Variants in TRIO observed in about 807,000 individuals in gnomAD.
TRIO encodes the protein trio Rho guanine nucleotide exchange factor.
In TRIO, 58 loss-of-function variants were observed where a neutral mutation model predicts 351.9. The ratio of observed to expected loss-of-function variants is 0.16; its 90% CI spans 0.13 to 0.21. TRIO has a LOEUF of 0.21. Ranked by LOEUF, TRIO falls within the 10% of genes least tolerant of loss-of-function variation. TRIO has a pLI of 1.00. For synonymous variants in TRIO, 1,758 were observed against 1,595.7 expected, an observed-to-expected ratio of 1.10 and a Z score of -2.42; for missense variants, 3,201 against 4,027.8, an observed-to-expected ratio of 0.79 and a Z score of 5.56.
At position 14,210,240 on chromosome 5, in the gene TRIO, C is replaced by A. The variant is rs137945054; in HGVS notation, c.158-60585C>A. Among the ~76,000 whole-genome samples the A allele has an allele frequency of 6.9e-3, 1,044 of 152,298 alleles. 18 individuals carry two copies. Among genetic ancestry groups the A allele is most frequent in the African/African-American group, 0.024 (1,006 of 41,550 alleles). On this transcript the variant is annotated intron_variant, in intron 1 of 56. Coordinates refer to ENST00000344204, the MANE Select transcript of TRIO (RefSeq NM_007118.4). ...TGTGAAATGGCATGAAATTAAACCA[C>A]TGGTTACTTTTGAGGACAGCTTCCT...
At chr5:14,235,592 A>G (rs1473089818) in intron 1 of TRIO, among the ~76,000 whole-genome samples, 1 of 152,212 alleles carries the variant, frequency 6.6e-6, no homozygotes, top group African/African-American at 2.4e-5. Flanking sequence ...TACAGTTACA[A>G]CTACTAGCTT....
intron 33 of TRIO, among the ~76,000 whole-genome samples, chr5:14,417,095 C>G (rs1339537596): frequency 6.6e-6 from 1 of 152,222 alleles, no homozygotes; most frequent in Non-Finnish European, 1.5e-5. Flanking sequence ...CGGGACTAAC[C>G]ACTCCATGAG....
At chr5:14,495,658 G>GAAAAAAAAA (rs56018324) in intron 49 of TRIO, among the ~76,000 whole-genome samples, 1 of 32,596 alleles carries the variant, frequency 3.1e-5, no homozygotes, top group African/African-American at 1.1e-4. Context: ...GTCTCTACTA[G>GAAAAAAAAA]AAAAAAAAAA....
chr5:14,264,115 A>G (rs188156405), intron 1 of TRIO, among the ~76,000 whole-genome samples: 1 of 152,356 alleles, frequency 6.6e-6, no homozygotes. Context: ...CATAATTAAA[A>G]CATCAAACCT....
rs867577569 is a variant in TRIO, at chr5:14,504,528, C to T, written c.8547C>T (p.His2849=). Residue 2849 remains histidine, a synonymous_variant, in exon 55 of 57, where the codon CAC becomes CAT. Transcript: ENST00000344204. ...TTGGCATCCTGCAGAGCCTCCAGCA[C>T]CCCCTGCTTGTCGGCCTCCTCGACA... The part of the protein sequence containing the change: ...HELGILQSLQ[H]PLLVGLLDTF... The T allele has an allele frequency of 8.7e-6, 14 of 1,614,154 alleles. No individual in the cohort carries two copies. In the Middle Eastern group the frequency reaches 9.9e-4, roughly 114 times the overall value.
chr5:14,385,824 C>T (rs1219987417), intron 21 of TRIO, among the ~76,000 whole-genome samples: 1 of 152,164 alleles, frequency 6.6e-6, no homozygotes, highest in African/African-American at 2.4e-5. Flanking sequence ...CTCAATAATT[C>T]TTGTTTAATT....
intron 9 of TRIO, among the ~76,000 whole-genome samples, chr5:14,319,984 C>T (rs1371205457): frequency 6.6e-6 from 1 of 152,180 alleles, no homozygotes; most frequent in Admixed American, 6.5e-5. Flanking sequence ...GCACACTTAC[C>T]GTGCTTCCAA....
At chr5:14,349,243 G>A (rs1252966871) in intron 11 of TRIO, among the ~76,000 whole-genome samples, 3 of 145,454 alleles carry the variant, frequency 2.1e-5, no homozygotes, top group Non-Finnish European at 4.5e-5. Flanking sequence ...GTTTGTGTGT[G>A]CACACACGTG....
intron 1 of TRIO, among the ~76,000 whole-genome samples, chr5:14,225,227 A>G: frequency 6.6e-6 from 1 of 152,146 alleles, no homozygotes; most frequent in East Asian, 1.9e-4. Context: ...TGCAGACAGG[A>G]GGGAGGAGAT....
chr5:14,315,404 C>T (rs939662200), intron 8 of TRIO, among the ~76,000 whole-genome samples: 3 of 152,056 alleles, frequency 2.0e-5, no homozygotes, highest in African/African-American at 7.2e-5. Flanking sequence ...AGGTGCCCGC[C>T]ACCACGCCCA....
In TRIO at chr5:14,403,183, TGTG is replaced by T. The variant is rs1288958439; in HGVS notation, c.4716+2123_4716+2125del. ...TGTAGGTTGTGGTGAGGGTGCAGGT[TGTG>T]GTGAGGGTGCAGGTTGTGGTGAGGG... On this transcript the variant is annotated intron_variant, in intron 31 of 56. Transcript: ENST00000344204. Among the ~76,000 whole-genome samples the T allele has an allele frequency of 7.4e-3, 469 of 63,406 alleles. 5 individuals are homozygous for T. The highest frequency in any genetic ancestry group is 0.011 in the Non-Finnish European group (348 of 32,006). 41.6% of individuals were successfully genotyped at this position (63,406 alleles called of 152,430 possible).
At chr5:14,441,738 T>C (rs1008809031) in intron 34 of TRIO, among the ~76,000 whole-genome samples, 1 of 152,236 alleles carries the variant, frequency 6.6e-6, no homozygotes, top group Non-Finnish European at 1.5e-5. Context: ...TCAGGTTTAA[T>C]TTTGTTTGGA....
chr5:14,441,021 GA>G (rs1362621283), intron 34 of TRIO: 12 of 151,470 alleles, frequency 7.9e-5, no homozygotes, highest in Admixed American at 4.6e-4. Context: ...CGCGCGCTCA[GA>G]CGCCAGCGAG....
chr5:14,396,915 A>G (rs1747650014), intron 28 of TRIO, 128 bp from the exon 29 acceptor site: 2 of 715,390 alleles, frequency 2.8e-6, no homozygotes, highest in Non-Finnish European at 4.7e-6. Context: ...CTATGAGAAC[A>G]TATGCCCAGT....
At chr5:14,471,121 C>T (rs376759160) in intron 37 of TRIO, among the ~76,000 whole-genome samples, 197 bp from the exon 38 acceptor site, 1 of 127,534 alleles carries the variant, frequency 7.8e-6, no homozygotes, top group Admixed American at 8.0e-5. Flanking sequence ...CTTTTTTCTC[C>T]ACCTCCTTTG....
chr5:14,460,808 A>G (rs1753722912), intron 34 of TRIO, among the ~76,000 whole-genome samples: 1 of 152,200 alleles, frequency 6.6e-6, no homozygotes. Flanking sequence ...CTTGAGAATG[A>G]TCATCTCTAG....
chr5:14,196,561 G>A (rs1790783965), intron 1 of TRIO, among the ~76,000 whole-genome samples: 2 of 152,244 alleles, frequency 1.3e-5, no homozygotes, highest in South Asian at 2.1e-4. Context: ...GTGAAATGGA[G>A]CACTGTCACT....
intron 8 of TRIO, among the ~76,000 whole-genome samples, chr5:14,307,167 A>T (rs1738446038): frequency 6.6e-6 from 1 of 152,072 alleles, no homozygotes; most frequent in South Asian, 2.1e-4. Flanking sequence ...CTCGACCCAG[A>T]TTTTCCAAGT....
chr5:14,285,706 A>G (rs977045738), intron 3 of TRIO, among the ~76,000 whole-genome samples: 6 of 152,230 alleles, frequency 3.9e-5, no homozygotes, highest in African/African-American at 1.2e-4. Flanking sequence ...AAAGCAGAAA[A>G]ATGTCAAATG....
Sources: gnomAD v4.1 joint callset for allele counts (sites outside exome capture counted in the v4.1 genomes callset) on GRCh38, gnomAD v4.1.1 for gene constraint, MANE v1.5 for transcripts, NCBI Gene and HGNC (gene_info 2026-07-23, HGNC 2026-07-21) for gene names.